IDE: variants seen among roughly 807,000 people sequenced by gnomAD.
IDE encodes the protein insulin degrading enzyme.
IDE carries 58 observed loss-of-function variants against 133.2 expected under a neutral mutation model. The observed-to-expected ratio is 0.44, with a 90% CI of 0.35 to 0.54. The LOEUF (loss-of-function observed/expected upper bound fraction) is 0.54. Among genes scored for constraint, IDE ranks in the 20% least tolerant of loss-of-function variants. The probability of loss-of-function intolerance (pLI) is 0.00; values close to 1 mark genes in which losing one functional copy is unlikely to be tolerated. For synonymous variants in IDE, 396 were observed against 421.3 expected (o/e 0.94, Z 0.73); for missense variants, 981 against 1,234.0 (o/e 0.79, Z 3.07).
intron 4 of IDE, among the ~76,000 whole-genome samples, chr10:92,527,447 T>C (rs1849687815): frequency 6.6e-6 from 1 of 152,178 alleles, no homozygotes; most frequent in Admixed American, 6.5e-5. Flanking sequence ...TTATTAATTT[T>C]ATAATGAGAT....
At chr10:92,555,807 A>G (rs1050336279) in intron 1 of IDE, among the ~76,000 whole-genome samples, 5 of 152,240 alleles carry the variant, frequency 3.3e-5, no homozygotes, top group Admixed American at 3.3e-4. Context: ...TGCCACTTCT[A>G]TTCAACACTG....
intron 11 of IDE, among the ~76,000 whole-genome samples, chr10:92,499,884 T>C (rs1847914101): frequency 6.6e-6 from 1 of 152,236 alleles, no homozygotes; most frequent in South Asian, 2.1e-4. Context: ...ATTTTATAAA[T>C]AGTATGAGGC....
At chr10:92,514,580 G>A (rs1486236665) in intron 5 of IDE, among the ~76,000 whole-genome samples, 2 of 152,012 alleles carry the variant, frequency 1.3e-5, no homozygotes, top group Non-Finnish European at 2.9e-5. Flanking sequence ...GACTACAGGT[G>A]CAGACTACCA....
chr10:92,471,201 A>C (rs1845944391), intron 17 of IDE, among the ~76,000 whole-genome samples: 1 of 152,120 alleles, frequency 6.6e-6, no homozygotes, highest in South Asian at 2.1e-4. Context: ...CTTTTTACAT[A>C]TATTAATTTA....
chr10:92,530,201 G>A (rs1286483133), intron 4 of IDE, among the ~76,000 whole-genome samples: 1 of 151,706 alleles, frequency 6.6e-6, no homozygotes, highest in African/African-American at 2.4e-5. Flanking sequence ...ATTCCAGCCT[G>A]GGTGATAAGA....
Position 92,463,774 on chromosome 10 carries a change from T to G in IDE, c.2718A>C (p.Lys906Asn), listed in dbSNP as rs768737548. Reference sequence around the variant, plus strand: ...GCTGGGAGATGATTTCTCCCCAGTATTTAGCACACTCAGCAGATAGCTTCT... The same window carrying G: ...GCTGGGAGATGATTTCTCCCCAGTAGTTAGCACACTCAGCAGATAGCTTCT... ...KPKKLSAECA[K>N]YWGEIISQQY... The change falls in exon 21 of 25, where the codon AAA (lysine) becomes AAC (asparagine). Residue 906 changes from lysine (K) to asparagine (N), a missense_variant. This residue lies in a region of IDE where 660 missense variants were observed against 894.7 expected (regional missense o/e 0.74). Coordinates refer to ENST00000265986, the MANE Select transcript of IDE (RefSeq NM_004969.4). The G allele has an allele frequency of 1.9e-6, 3 of 1,614,214 alleles. No individual in the cohort carries two copies. The highest frequency in any genetic ancestry group is 2.5e-6 in the Non-Finnish European group (3 of 1,180,012).
intron 1 of IDE, among the ~76,000 whole-genome samples, chr10:92,563,044 C>T (rs140185299): frequency 1.2e-3 from 185 of 152,092 alleles, no homozygotes; most frequent in African/African-American, 4.2e-3. Flanking sequence ...TGAAGTCAGG[C>T]GTTCGAGACC....
At chr10:92,489,200 G>A (rs1405391559) in intron 12 of IDE, among the ~76,000 whole-genome samples, 1 of 152,098 alleles carries the variant, frequency 6.6e-6, no homozygotes, top group South Asian at 2.1e-4. Context: ...TGAATACTAG[G>A]GACTAGGAAA....
At chr10:92,513,384 G>A (rs1235285035) in intron 5 of IDE, among the ~76,000 whole-genome samples, 3 of 152,230 alleles carry the variant, frequency 2.0e-5, no homozygotes, top group Non-Finnish European at 2.9e-5. Flanking sequence ...GTAGAGATGG[G>A]GTTTCGCCAT....
At chr10:92,462,882 T>C (rs1356519564) in intron 21 of IDE, among the ~76,000 whole-genome samples, 2 of 152,122 alleles carry the variant, frequency 1.3e-5, no homozygotes, top group African/African-American at 2.4e-5. Flanking sequence ...TTATCATTAA[T>C]AGTGAATCCA....
Position 92,563,068 on chromosome 10 carries a change from T to C in IDE, c.98+10854A>G, listed in dbSNP as rs193177278. Among the ~76,000 whole-genome samples the C allele has an allele frequency of 1.1e-4, 16 of 152,150 alleles. No homozygotes were observed. The East Asian group carries it at 2.9e-3, about 28-fold the overall frequency. Reference sequence around the variant, plus strand: ...GCGTTCGAGACCAGCCTGGCCAACATGGTGAAACCACGTCTCTACTAAAAG... The same window carrying C: ...GCGTTCGAGACCAGCCTGGCCAACACGGTGAAACCACGTCTCTACTAAAAG... On this transcript the variant is annotated intron_variant, in intron 1 of 24. Coordinates refer to ENST00000265986, the MANE Select transcript of IDE (RefSeq NM_004969.4).
At chr10:92,538,385 C>G (rs1842127573) in intron 1 of IDE, among the ~76,000 whole-genome samples, 1 of 152,202 alleles carries the variant, frequency 6.6e-6, no homozygotes, top group South Asian at 2.1e-4. Flanking sequence ...CAATGAGGAA[C>G]AATCCTGTAA....
At chr10:92,498,375 C>G (rs191596080) in intron 11 of IDE, among the ~76,000 whole-genome samples, 45 of 147,718 alleles carry the variant, frequency 3.0e-4, no homozygotes, top group African/African-American at 1.1e-3. Context: ...ATAATCCCAG[C>G]ACTTTGAGAG....
chr10:92,572,795 C>A, intron 1 of IDE: 3 of 664,872 alleles, frequency 4.5e-6, no homozygotes, highest in Non-Finnish European at 5.6e-6. Context: ...GGCTGGATTA[C>A]GCCCACGCCA....
intron 1 of IDE, among the ~76,000 whole-genome samples, chr10:92,544,850 A>C (rs1181341821): frequency 1.3e-5 from 2 of 152,236 alleles, no homozygotes; most frequent in African/African-American, 2.4e-5. Flanking sequence ...TAACAGGTTT[A>C]AAGCAAGAGA....
At chr10:92,486,713 GC>G (rs939236767) in intron 13 of IDE, among the ~76,000 whole-genome samples, 2 of 152,170 alleles carry the variant, frequency 1.3e-5, no homozygotes, top group Non-Finnish European at 2.9e-5. Context: ...CTTCTCAACA[GC>G]CCTTTGCACT....
chr10:92,545,966 T>A (rs1182781300), intron 1 of IDE, among the ~76,000 whole-genome samples: 1 of 152,200 alleles, frequency 6.6e-6, no homozygotes, highest in African/African-American at 2.4e-5. Context: ...TATATGTTCA[T>A]AGCAACACTA....
chr10:92,542,438 G>C (rs1453053606), intron 1 of IDE, among the ~76,000 whole-genome samples: 1 of 151,926 alleles, frequency 6.6e-6, no homozygotes. Flanking sequence ...TACAGGCATG[G>C]GCCACCGTGC....
rs529303816 is a variant in IDE at position 92,481,843 on chromosome 10, C to T, written c.1739+1412G>A. On this transcript the variant is annotated intron_variant, in intron 14 of 24. Coordinates refer to ENST00000265986, the MANE Select transcript of IDE (RefSeq NM_004969.4). The stretch of plus-strand genomic sequence containing the variant: ...AACACAAAAATGTAAAATGGTCTCT[C>T]AAAGGGTAGTCTAAAGAAATTCATC... Among the ~76,000 whole-genome samples the T allele has an allele frequency of 4.6e-5, 7 of 152,270 alleles. No homozygotes were observed. In the South Asian group the frequency reaches 1.5e-3, roughly 32 times the overall value.
Sources: allele counts gnomAD v4.1 joint callset (sites outside exome capture counted in the v4.1 genomes callset), GRCh38; gene constraint gnomAD v4.1.1; regional missense constraint gnomAD v4.1.1; transcripts MANE v1.5; gene names NCBI Gene and HGNC (gene_info 2026-07-23, HGNC 2026-07-21).